CACNA1E: variants seen among roughly 807,000 people sequenced by gnomAD.
The protein encoded by CACNA1E is calcium voltage-gated channel subunit alpha1 E.
In CACNA1E, 40 loss-of-function variants were observed where a neutral mutation model predicts 259.2. The ratio of observed to expected loss-of-function variants is 0.15; its 90% CI spans 0.12 to 0.20. The LOEUF is 0.20. Ranked by LOEUF, CACNA1E falls within the 10% of genes least tolerant of loss-of-function variation. The pLI is 1.00. For missense variants in CACNA1E, 1,874 were observed against 3,040.1 expected (o/e 0.62, Z 9.02); for synonymous variants, 1,104 against 1,138.5 (o/e 0.97, Z 0.61).
chr1:181,786,819 G>A (rs147515015), intron 43 of CACNA1E, among the ~76,000 whole-genome samples: 2 of 152,134 alleles, frequency 1.3e-5, no homozygotes, highest in African/African-American at 2.4e-5. Context: ...GACTTCTGTC[G>A]GAGTCATTTG....
At chr1:181,627,704 C>T (rs1054244311) in intron 6 of CACNA1E, among the ~76,000 whole-genome samples, 3 of 152,178 alleles carry the variant, frequency 2.0e-5, no homozygotes, top group Non-Finnish European at 4.4e-5. Context: ...TTAATTATTA[C>T]AAATTAGGAA....
chr1:181,373,537 CTT>C (rs5779097), intron 1 of CACNA1E, among the ~76,000 whole-genome samples: 40 of 120,890 alleles, frequency 3.3e-4, no homozygotes, highest in Middle Eastern at 4.2e-3. Flanking sequence ...TCTTTTCTTT[CTT>C]TTTTTTTTTT....
intron 22 of CACNA1E, 24 bp downstream of exon 22, chr1:181,736,458 C>T: frequency 6.2e-7 from 1 of 1,600,702 alleles, no homozygotes; most frequent in East Asian, 2.3e-5. Context: ...GCGTTGCTCC[C>T]TCTTTAGTGC....
At chr1:181,754,520 G>A (rs1359863441) in intron 27 of CACNA1E, among the ~76,000 whole-genome samples, 1 of 152,196 alleles carries the variant, frequency 6.6e-6, no homozygotes, top group East Asian at 1.9e-4. Context: ...GGCCTAGAGT[G>A]GAGGTCTCTG....
At chr1:181,346,531 A>G (rs1652605227) in intron 1 of CACNA1E, among the ~76,000 whole-genome samples, 2 of 152,180 alleles carry the variant, frequency 1.3e-5, no homozygotes, top group South Asian at 2.1e-4. Context: ...TGTAGGCTAC[A>G]TTATAGGTCC....
intron 1 of CACNA1E, among the ~76,000 whole-genome samples, chr1:181,329,978 C>G (rs1042431841): frequency 6.6e-6 from 1 of 152,142 alleles, no homozygotes; most frequent in Non-Finnish European, 1.5e-5. Context: ...GAGAATGGGT[C>G]TTGCAGGGAT....
chr1:181,452,279 C>T (rs1429994988), intron 2 of CACNA1E, among the ~76,000 whole-genome samples: 1 of 152,216 alleles, frequency 6.6e-6, no homozygotes, highest in Admixed American at 6.5e-5. Context: ...GTTTACAAAG[C>T]CCTTTGATGT....
intron 7 of CACNA1E, among the ~76,000 whole-genome samples, chr1:181,686,283 T>TTTTTTTTTTTTTTTTTTTTTG (rs1650547015): frequency 8.1e-6 from 1 of 122,764 alleles, no homozygotes; most frequent in Non-Finnish European, 1.7e-5. Context: ...AAGTTTTTTT[T>TTTTTTTTTTTTTTTTTTTTTG]TTTTTTTTTT....
At chr1:181,432,964 AG>A (rs1192178932) in intron 2 of CACNA1E, among the ~76,000 whole-genome samples, 1 of 152,246 alleles carries the variant, frequency 6.6e-6, no homozygotes, top group Non-Finnish European at 1.5e-5. Flanking sequence ...TTATTGAGAA[AG>A]TATTTTACAT....
At chr1:181,598,404 A>G (rs6701644) in intron 6 of CACNA1E, among the ~76,000 whole-genome samples, 20,410 of 152,160 alleles carry the variant, frequency 0.13, 2,085 homozygotes, top group African/African-American at 0.28. Context: ...GAAAGGCTTC[A>G]TAGAGAAACC....
chr1:181,547,044 C>A (rs1647552026), intron 3 of CACNA1E, among the ~76,000 whole-genome samples: 1 of 152,212 alleles, frequency 6.6e-6, no homozygotes, highest in South Asian at 2.1e-4. Context: ...CCGTCATTTT[C>A]TCCCCAGCTT....
chr1:181,321,277 G>A (rs1217638725), intron 1 of CACNA1E, among the ~76,000 whole-genome samples: 1 of 152,182 alleles, frequency 6.6e-6, no homozygotes, highest in East Asian at 1.9e-4. Context: ...CAAACTTTGT[G>A]TGTCTTCCAC....
At chr1:181,383,298 T>C (rs760708622) in intron 1 of CACNA1E, among the ~76,000 whole-genome samples, 4 of 152,168 alleles carry the variant, frequency 2.6e-5, no homozygotes, top group Non-Finnish European at 5.9e-5. Context: ...CCAGTGAAGG[T>C]TGTTTAATTG....
chr1:181,577,823 G>T lies in CACNA1E; in HGVS notation c.570G>T (p.Arg190=). 2 of 1,612,024 alleles carry T rather than the reference G, an allele frequency of 1.2e-6. No individual in the cohort carries two copies. Among genetic ancestry groups the T allele is most frequent in the Non-Finnish European group, 1.7e-6 (2 of 1,179,140 alleles). ...FNTHVDLRTL[R]AVRVLRPLKL... ...CTCACGTGGACCTGAGGACCCTCCG[G>T]GCTGTGCGTGTCCTGCGGCCTTTGA... Residue 190 remains arginine, a synonymous_variant, in exon 4 of 48, where the codon CGG becomes CGT. Transcript: ENST00000367573.
chr1:181,342,405 A>G (rs923312598), intron 1 of CACNA1E, among the ~76,000 whole-genome samples: 1 of 152,214 alleles, frequency 6.6e-6, no homozygotes, highest in African/African-American at 2.4e-5. Context: ...TGCTTGTAGC[A>G]ACATCATTCA....
At chr1:181,476,059 G>A (rs1020279357) in intron 2 of CACNA1E, among the ~76,000 whole-genome samples, 1 of 152,134 alleles carries the variant, frequency 6.6e-6, no homozygotes, top group African/African-American at 2.4e-5. Context: ...TGTGGTGGCT[G>A]GGATGCCAAG....
chr1:181,472,703 G>T (rs1401855255), intron 2 of CACNA1E, among the ~76,000 whole-genome samples: 1 of 152,168 alleles, frequency 6.6e-6, no homozygotes, highest in Non-Finnish European at 1.5e-5. Context: ...ACTGTCTTCA[G>T]GTTTTAGATG....
intron 3 of CACNA1E, among the ~76,000 whole-genome samples, chr1:181,520,256 T>C (rs1666892789): frequency 6.6e-6 from 1 of 152,196 alleles, no homozygotes; most frequent in Non-Finnish European, 1.5e-5. Flanking sequence ...AGGGGAGAGA[T>C]TGGCCCTTTA....
chr1:181,591,268 G>A (rs1414033411), intron 6 of CACNA1E, among the ~76,000 whole-genome samples: 1 of 152,204 alleles, frequency 6.6e-6, no homozygotes, highest in Non-Finnish European at 1.5e-5. Context: ...TGAGCTTTGT[G>A]TAAATGTGGT....
Sources: allele counts gnomAD v4.1 joint callset (sites outside exome capture counted in the v4.1 genomes callset), GRCh38; gene constraint gnomAD v4.1.1; transcripts MANE v1.5; gene names NCBI Gene and HGNC (gene_info 2026-07-23, HGNC 2026-07-21).